USP3: variants seen among roughly 807,000 people sequenced by gnomAD.
USP3 encodes the protein ubiquitin specific peptidase 3, also known as ubiquitin carboxyl-terminal hydrolase 3.
In USP3, 20 loss-of-function variants were observed where a neutral mutation model predicts 72.3. The ratio of observed to expected loss-of-function variants is 0.28; its 90% CI spans 0.19 to 0.40. The LOEUF (loss-of-function observed/expected upper bound fraction) is 0.40. USP3 is among the 10% of genes least tolerant of loss of function. The pLI, the probability that USP3 is intolerant of heterozygous loss-of-function variation, is 1.00. For synonymous variants in USP3, 222 were observed against 225.3 expected, an observed-to-expected ratio of 0.99 and a Z score of 0.13; for missense variants, 479 against 633.9, an observed-to-expected ratio of 0.76 and a Z score of 2.62.
chr15:63,586,499 A>G (rs1258057665), intron 11 of USP3: 1 of 152,262 alleles, frequency 6.6e-6, no homozygotes, highest in Non-Finnish European at 1.5e-5. Context: ...GAAAGCACCC[A>G]TGACTTCAGC....
intron 3 of USP3, among the ~76,000 whole-genome samples, chr15:63,542,587 A>G (rs2066260543): frequency 6.6e-6 from 1 of 152,092 alleles, no homozygotes; most frequent in Non-Finnish European, 1.5e-5. Context: ...CATATTCATT[A>G]TTAAAGGAAA....
chr15:63,550,506 T>C (rs955749684), intron 3 of USP3, among the ~76,000 whole-genome samples: 3 of 152,234 alleles, frequency 2.0e-5, no homozygotes, highest in Non-Finnish European at 4.4e-5. Context: ...TTCAAAAATA[T>C]CTACAACATA....
intron 1 of USP3, among the ~76,000 whole-genome samples, chr15:63,524,399 C>G (rs1247578050): frequency 6.6e-6 from 1 of 152,184 alleles, no homozygotes; most frequent in Non-Finnish European, 1.5e-5. Flanking sequence ...TGATACTGCT[C>G]CCTCTGTTAA....
At chr15:63,571,364 A>G (rs2066776124) in intron 9 of USP3, among the ~76,000 whole-genome samples, 1 of 152,212 alleles carries the variant, frequency 6.6e-6, no homozygotes, top group Non-Finnish European at 1.5e-5. Context: ...CGGATGTGGT[A>G]GGACTACTTC....
chr15:63,570,437 T>A lies in USP3; in HGVS notation c.766T>A (p.Tyr256Asn). ...VWKIMPNFRG[Y>N]QQQDAHEFMR... Reference sequence around the variant, plus strand: ...GTGACTGTTTGTTTGCTTTAGGGGCTATCAACAGCAGGACGCCCATGAATT... The same window carrying A: ...GTGACTGTTTGTTTGCTTTAGGGGCAATCAACAGCAGGACGCCCATGAATT... The change falls in exon 9 of 15, where the codon TAT becomes AAT. Residue 256 changes from tyrosine to asparagine, a missense_variant. Coordinates refer to ENST00000380324, the MANE Select transcript of USP3 (RefSeq NM_006537.4). The surrounding 1 kb of genome is among the most constrained non-coding windows in gnomAD (Gnocchi z 4.4). The A allele has an allele frequency of 6.2e-7, 1 of 1,614,150 alleles. No individual in the cohort carries two copies. The highest frequency in any genetic ancestry group is 8.5e-7 in the Non-Finnish European group (1 of 1,180,038).
At chr15:63,515,970 A>G (rs2065845679) in intron 1 of USP3, among the ~76,000 whole-genome samples, 1 of 152,158 alleles carries the variant, frequency 6.6e-6, no homozygotes, top group Non-Finnish European at 1.5e-5. Context: ...ATTTTTAGGT[A>G]TTATTCCTTG....
rs575169809 is a variant in USP3, at chr15:63,532,290, T to A, written c.92-357T>A. 2.6e-5 allele frequency among the ~76,000 whole-genome samples: 4 copies of A among 152,316 alleles called. No homozygotes were observed. The South Asian group carries it at 8.3e-4, about 32-fold the overall frequency. On this transcript the variant is annotated intron_variant, in intron 1 of 14. Coordinates refer to ENST00000380324, the MANE Select transcript of USP3 (RefSeq NM_006537.4). ...TACATGGCAATGACATGTGATTAAA[T>A]GACTAGACTTAAAAAATGTTTTTTA...
intron 1 of USP3, among the ~76,000 whole-genome samples, chr15:63,510,604 G>A (rs998326894): frequency 1.3e-5 from 2 of 152,138 alleles, no homozygotes; most frequent in Non-Finnish European, 2.9e-5. Flanking sequence ...TTGCATTCTA[G>A]GTGTGTTAAT....
chr15:63,558,376 G>A (rs1322984275), intron 6 of USP3, among the ~76,000 whole-genome samples, 188 bp downstream of exon 6: 1 of 152,106 alleles, frequency 6.6e-6, no homozygotes, highest in Non-Finnish European at 1.5e-5. Flanking sequence ...TAGTTGGGAA[G>A]ATTGAATAAT....
At chr15:63,562,416 A>G (rs1198542813) in intron 7 of USP3, among the ~76,000 whole-genome samples, 1 of 152,136 alleles carries the variant, frequency 6.6e-6, no homozygotes, top group Non-Finnish European at 1.5e-5. Context: ...AATAGTCATG[A>G]GAAAATCTGA....
intron 3 of USP3, among the ~76,000 whole-genome samples, chr15:63,552,095 T>C (rs972538933): frequency 6.6e-6 from 1 of 152,216 alleles, no homozygotes; most frequent in Non-Finnish European, 1.5e-5. Context: ...CGTGTAAATA[T>C]AGAAAAAGTG....
At chr15:63,569,563 A>G (rs1365413814) in intron 8 of USP3, among the ~76,000 whole-genome samples, 1 of 152,246 alleles carries the variant, frequency 6.6e-6, no homozygotes, top group Non-Finnish European at 1.5e-5. Context: ...TAGATTAATT[A>G]AAGAGACCTT....
chr15:63,545,082 A>T (rs1423305371), intron 3 of USP3, among the ~76,000 whole-genome samples: 1 of 152,218 alleles, frequency 6.6e-6, no homozygotes, highest in Admixed American at 6.5e-5. Flanking sequence ...ATCAAAATCT[A>T]AAAAGGCATA....
chr15:63,579,050 A>G (rs2066911823), intron 11 of USP3, among the ~76,000 whole-genome samples: 1 of 152,212 alleles, frequency 6.6e-6, no homozygotes, highest in South Asian at 2.1e-4. Context: ...AGTTCAGGCA[A>G]AAAGCCAGCT....
At chr15:63,547,573 A>T (rs1332015974) in intron 3 of USP3, among the ~76,000 whole-genome samples, 3 of 150,446 alleles carry the variant, frequency 2.0e-5, no homozygotes. Flanking sequence ...CTACAAAAGT[A>T]AAAAAAAATA....
chr15:63,539,447 ATT>A (rs1460193640), intron 3 of USP3, among the ~76,000 whole-genome samples: 9 of 152,222 alleles, frequency 5.9e-5, no homozygotes, highest in African/African-American at 2.2e-4. Flanking sequence ...GTTAAAGAAA[ATT>A]TTAAGAATTA....
intron 7 of USP3, among the ~76,000 whole-genome samples, chr15:63,561,833 G>C (rs2066612680): frequency 6.6e-6 from 1 of 152,214 alleles, no homozygotes; most frequent in South Asian, 2.1e-4. Flanking sequence ...TGAGAAAGAA[G>C]ATATTGAGAT....
rs140071069 is a variant in USP3, at chr15:63,518,733, T to G, written c.91+13903T>G. On this transcript the variant is annotated intron_variant, in intron 1 of 14. Coordinates refer to ENST00000380324, the MANE Select transcript of USP3 (RefSeq NM_006537.4). ...CCTTATTAATTTACAGATATAACAC[T>G]CCTTTATCCATAGTTTTGTTTTTCC... Among the ~76,000 whole-genome samples, 419 of 152,230 alleles carry G rather than the reference T, an allele frequency of 2.8e-3. 17 individuals are homozygous for G. The East Asian group carries it at 0.072, about 26-fold the overall frequency.
Position 63,528,662 on chromosome 15 carries a change from T to C in USP3, c.92-3985T>C, listed in dbSNP as rs1477674716. Among the ~76,000 whole-genome samples the C allele has an allele frequency of 6.6e-6, 1 of 152,218 alleles. No individual in the cohort carries two copies. Among genetic ancestry groups the C allele is most frequent in the African/African-American group, 2.4e-5 (1 of 41,462 alleles). On this transcript the variant is annotated intron_variant, in intron 1 of 14. Transcript: ENST00000380324. The surrounding 1 kb of genome is among the most constrained non-coding windows in gnomAD (Gnocchi z 4.3). Reference sequence around the variant, plus strand: ...AGACGACCCTGGAAACCTTTAATACTGTTTCCATGGGAAATGTGTTTATCC... The same window carrying C: ...AGACGACCCTGGAAACCTTTAATACCGTTTCCATGGGAAATGTGTTTATCC...
Sources: allele counts gnomAD v4.1 joint callset (sites outside exome capture counted in the v4.1 genomes callset), GRCh38; gene constraint gnomAD v4.1.1; non-coding constraint Gnocchi (gnomAD v3.1); transcripts MANE v1.5; gene names NCBI Gene and HGNC (gene_info 2026-07-23, HGNC 2026-07-21).